AP2B1: variants seen among roughly 807,000 people sequenced by gnomAD.
AP2B1 encodes the protein AP-2 complex subunit beta.
In AP2B1, 23 loss-of-function variants were observed where a neutral mutation model predicts 102.0. The observed-to-expected ratio is 0.23, with a 90% confidence interval of 0.16 to 0.32. The LOEUF is 0.32. AP2B1 is among the 10% of genes least tolerant of loss of function. The probability of loss-of-function intolerance (pLI) is 1.00; values close to 1 mark genes in which losing one functional copy is unlikely to be tolerated. For synonymous variants in AP2B1, 381 were observed against 421.2 expected, an observed-to-expected ratio of 0.90 and a Z score of 1.17; for missense variants, 541 against 1,157.4, an observed-to-expected ratio of 0.47 and a Z score of 7.73.
At chr17:35,596,715 T>C (rs2073292696) in intron 2 of AP2B1, among the ~76,000 whole-genome samples, 1 of 152,072 alleles carries the variant, frequency 6.6e-6, no homozygotes, top group Non-Finnish European at 1.5e-5. Flanking sequence ...CTGCCCGGTG[T>C]AGAAGCCCAC....
intron 3 of AP2B1, among the ~76,000 whole-genome samples, chr17:35,604,363 C>T (rs1404746502): frequency 6.6e-6 from 1 of 152,130 alleles, no homozygotes; most frequent in Non-Finnish European, 1.5e-5. Flanking sequence ...CCCACCATGG[C>T]CTCGCAAAGT....
At position 35,621,450 on chromosome 17, in the gene AP2B1, A is replaced by G. The variant is rs1236046798; in HGVS notation, c.526-2947A>G. The G allele has an allele frequency of 4.8e-6, 3 of 623,406 alleles. No homozygotes were observed. In the African/African-American group the frequency reaches 6.0e-5, roughly 12 times the overall value. 38.6% of individuals were successfully genotyped at this position (623,406 alleles called of 1,614,324 possible). ...AAAGTGTAGAGATAGGATGGAAGGA[A>G]CTTCAAGAAATTTTAGAGAAACATT... is the stretch of plus-strand genomic sequence containing the variant. On this transcript the variant is annotated intron_variant, in intron 5 of 21. Coordinates refer to ENST00000610402, the MANE Select transcript of AP2B1 (RefSeq NM_001030006.2).
intron 14 of AP2B1, among the ~76,000 whole-genome samples, chr17:35,659,268 G>A (rs2075305554): frequency 6.6e-6 from 1 of 152,158 alleles, no homozygotes. Context: ...CCCTGGTGGG[G>A]AAGCTTAGTA....
intron 9 of AP2B1, among the ~76,000 whole-genome samples, chr17:35,630,282 A>G (rs2074426470): frequency 6.6e-6 from 1 of 152,200 alleles, no homozygotes. Flanking sequence ...CACTTGATTC[A>G]GATATTTAAT....
At position 35,694,602 on chromosome 17, in the gene AP2B1, G is replaced by A. The variant is rs587662757; in HGVS notation, c.2454+11778G>A. Among the ~76,000 whole-genome samples the A allele has an allele frequency of 9.4e-4, 143 of 152,056 alleles. 2 individuals are homozygous for A. The highest frequency in any genetic ancestry group is 3.0e-3 in the African/African-American group (125 of 41,494). On this transcript the variant is annotated intron_variant, in intron 18 of 21. Transcript: ENST00000610402. ...GTTTAACAGTAAACCCAGGCTGAGCGCCATGGCTCACACCTGTAATCCCAG... is the reference window on the plus strand; with the variant it reads ...GTTTAACAGTAAACCCAGGCTGAGCACCATGGCTCACACCTGTAATCCCAG...
chr17:35,708,931 T>A (rs1208075076), intron 18 of AP2B1, among the ~76,000 whole-genome samples: 2 of 152,192 alleles, frequency 1.3e-5, no homozygotes, highest in Non-Finnish European at 2.9e-5. Flanking sequence ...CAGCTACTAT[T>A]AATAATCATA....
chr17:35,700,785 A>G (rs2076224877), intron 18 of AP2B1, among the ~76,000 whole-genome samples: 1 of 152,228 alleles, frequency 6.6e-6, no homozygotes. Flanking sequence ...TTACAGGCTT[A>G]AGCTGACAGG....
chr17:35,703,915 A>G (rs1317052997), intron 18 of AP2B1, among the ~76,000 whole-genome samples: 1 of 152,170 alleles, frequency 6.6e-6, no homozygotes, highest in Non-Finnish European at 1.5e-5. Context: ...TATATATGTG[A>G]TCATTGATTT....
At chr17:35,697,544 A>C (rs2143001405) in intron 18 of AP2B1, among the ~76,000 whole-genome samples, 2 of 152,328 alleles carry the variant, frequency 1.3e-5, no homozygotes, top group Admixed American at 1.3e-4. Flanking sequence ...CCTCAGGGAA[A>C]ACCGAAATCA....
At chr17:35,671,668 A>G (rs2075589879) in intron 15 of AP2B1, 86 bp from the exon 16 acceptor site, 14 of 1,353,762 alleles carry the variant, frequency 1.0e-5, no homozygotes, top group Non-Finnish European at 1.4e-5. Flanking sequence ...TGATTTATCA[A>G]AACTACTAAG....
chr17:35,630,487 GT>G (rs2074432289), intron 9 of AP2B1, among the ~76,000 whole-genome samples: 1 of 152,122 alleles, frequency 6.6e-6, no homozygotes, highest in African/African-American at 2.4e-5. Flanking sequence ...GAGTAAGGTG[GT>G]TTTGTTCTCT....
chr17:35,677,137 G>A (rs2075719631), intron 17 of AP2B1, among the ~76,000 whole-genome samples: 1 of 152,012 alleles, frequency 6.6e-6, no homozygotes, highest in Non-Finnish European at 1.5e-5. Context: ...CTACACCTGT[G>A]TACCACCACA....
intron 21 of AP2B1, among the ~76,000 whole-genome samples, chr17:35,719,410 C>G (rs938241153): frequency 1.3e-5 from 2 of 152,024 alleles, no homozygotes; most frequent in Non-Finnish European, 2.9e-5. Flanking sequence ...ACTCTCACCC[C>G]AGCCCTAACC....
intron 2 of AP2B1, among the ~76,000 whole-genome samples, chr17:35,594,694 A>T (rs1314262706): frequency 6.6e-6 from 1 of 152,228 alleles, no homozygotes; most frequent in Non-Finnish European, 1.5e-5. Context: ...TTAAAACGGA[A>T]TCTCTAGAGC....
At chr17:35,698,823 C>T (rs1193735480) in intron 18 of AP2B1, among the ~76,000 whole-genome samples, 1 of 152,194 alleles carries the variant, frequency 6.6e-6, no homozygotes, top group African/African-American at 2.4e-5. Context: ...GTAGTTCTGA[C>T]CTTGCTGTGC....
chr17:35,695,527 T>C (rs1156493600), intron 18 of AP2B1, among the ~76,000 whole-genome samples: 3 of 152,076 alleles, frequency 2.0e-5, no homozygotes. Flanking sequence ...GCCTGTTCCA[T>C]TCAAGTAACC....
In AP2B1 at chr17:35,687,590, C is replaced by T. The variant is rs587758972; in HGVS notation, c.2454+4766C>T. On this transcript the variant is annotated intron_variant, in intron 18 of 21. Coordinates refer to ENST00000610402, the MANE Select transcript of AP2B1 (RefSeq NM_001030006.2). ...AGAGATAAAATCTTGCTCAGTCACC[C>T]GGGCTGAAGTGCAGTAGTATAATCA... is the stretch of plus-strand genomic sequence containing the variant. 1.8e-4 allele frequency among the ~76,000 whole-genome samples: 28 copies of T among 152,164 alleles called. No individual in the cohort carries two copies. In the South Asian group the frequency reaches 4.8e-3, roughly 26 times the overall value.
At chr17:35,612,958 A>G (rs2073909386) in intron 5 of AP2B1, among the ~76,000 whole-genome samples, 1 of 151,664 alleles carries the variant, frequency 6.6e-6, no homozygotes, top group African/African-American at 2.4e-5. Flanking sequence ...ATAAAGACTG[A>G]GTTATCTGAA....
chr17:35,629,179 C>G (rs932369541), intron 9 of AP2B1, among the ~76,000 whole-genome samples: 1 of 152,168 alleles, frequency 6.6e-6, no homozygotes, highest in East Asian at 1.9e-4. Flanking sequence ...AACTCCTAGC[C>G]TCAAGTGATC....
Sources: gnomAD v4.1 joint callset for allele counts (sites outside exome capture counted in the v4.1 genomes callset) on GRCh38, gnomAD v4.1.1 for gene constraint, MANE v1.5 for transcripts, NCBI Gene and HGNC (gene_info 2026-07-23, HGNC 2026-07-21) for gene names.